The following NALF1 variants were observed in gnomAD, a reference collection of about 807,000 sequenced individuals.
NALF1 encodes the protein NALCN channel auxiliary factor 1, also known as family with sequence similarity 155 member A.
Under a neutral mutation model 48.4 loss-of-function variants are expected in NALF1, and 3 were observed. The ratio of observed to expected loss-of-function variants is 0.06; its 90% CI spans 0.03 to 0.16. The LOEUF is 0.16. Ranked by LOEUF, NALF1 falls within the 10% of genes least tolerant of loss-of-function variation. The pLI is 1.00. For synonymous variants in NALF1, 262 were observed against 245.7 expected, an observed-to-expected ratio of 1.07 and a Z score of -0.62; for missense variants, 526 against 571.5, an observed-to-expected ratio of 0.92 and a Z score of 0.81.
At chr13:107,508,173 A>T (rs1875762714) in intron 1 of NALF1, among the ~76,000 whole-genome samples, 1 of 152,074 alleles carries the variant, frequency 6.6e-6, no homozygotes, top group African/African-American at 2.4e-5. Context: ...ATGTTAGAGG[A>T]TATTGTGCTT....
chr13:107,682,948 C>T (rs756392771), intron 1 of NALF1, among the ~76,000 whole-genome samples: 13 of 152,128 alleles, frequency 8.5e-5, no homozygotes, highest in Non-Finnish European at 1.6e-4. Context: ...ATTTTAGTAA[C>T]AAATTGTTCT....
intron 1 of NALF1, among the ~76,000 whole-genome samples, chr13:107,525,040 G>C (rs1169784440): frequency 1.3e-5 from 2 of 152,052 alleles, no homozygotes; most frequent in Admixed American, 1.3e-4. Flanking sequence ...TCAACATGGG[G>C]TTTTGGCAAG....
In NALF1 at chr13:107,304,428, C is replaced by G. The variant is rs116682198; in HGVS notation, c.916-93673G>C. Among the ~76,000 whole-genome samples, 430 of 152,298 alleles carry G rather than the reference C, an allele frequency of 2.8e-3. 2 individuals are homozygous for G. The highest frequency in any genetic ancestry group is 9.5e-3 in the African/African-American group (394 of 41,570). ...TAGTAAGTGCAGCATCTCCAGCTTG[C>G]ATTTTCCTTTAAAGAACTTGGATGT... is the stretch of plus-strand genomic sequence containing the variant. On this transcript the variant is annotated intron_variant, in intron 1 of 2. Coordinates refer to ENST00000375915, the MANE Select transcript of NALF1 (RefSeq NM_001080396.3).
intron 1 of NALF1, among the ~76,000 whole-genome samples, chr13:107,787,162 T>C (rs1382371028): frequency 6.6e-6 from 1 of 152,230 alleles, no homozygotes; most frequent in East Asian, 1.9e-4. Context: ...TCATCACTAT[T>C]CATTACTGAA....
chr13:107,680,873 G>GTT (rs1566441760), intron 1 of NALF1, among the ~76,000 whole-genome samples: 1 of 147,826 alleles, frequency 6.8e-6, no homozygotes, highest in Non-Finnish European at 1.5e-5. Flanking sequence ...CAAATGTAAG[G>GTT]GTGTGTGTGT....
At chr13:107,583,235 T>C (rs1878363186) in intron 1 of NALF1, among the ~76,000 whole-genome samples, 1 of 152,006 alleles carries the variant, frequency 6.6e-6, no homozygotes, top group African/African-American at 2.4e-5. Flanking sequence ...ATATAATTTA[T>C]AAATTTTAAG....
chr13:107,363,388 G>A (rs961990896), intron 1 of NALF1, among the ~76,000 whole-genome samples: 7 of 152,148 alleles, frequency 4.6e-5, no homozygotes, highest in Non-Finnish European at 1.0e-4. Flanking sequence ...GAGCCTAGGA[G>A]TTTGAGATCA....
chr13:107,562,220 G>A (rs1877667486), intron 1 of NALF1, among the ~76,000 whole-genome samples: 1 of 152,164 alleles, frequency 6.6e-6, no homozygotes, highest in African/African-American at 2.4e-5. Flanking sequence ...TGAAATTCCT[G>A]CATGCTGGCA....
At chr13:107,834,333 T>A (rs879796444) in intron 1 of NALF1, among the ~76,000 whole-genome samples, 1 of 152,158 alleles carries the variant, frequency 6.6e-6, no homozygotes, top group African/African-American at 2.4e-5. Flanking sequence ...ACAACTGTGG[T>A]CAATTAGACC....
At chr13:107,783,871 AT>A (rs1307484707) in intron 1 of NALF1, among the ~76,000 whole-genome samples, 6 of 120,108 alleles carry the variant, frequency 5.0e-5, no homozygotes, top group East Asian at 3.8e-4. Context: ...AAAAATAAAA[AT>A]TAAAAAAAAA....
intron 1 of NALF1, among the ~76,000 whole-genome samples, chr13:107,743,960 G>A (rs1286372882): frequency 2.0e-5 from 3 of 152,200 alleles, no homozygotes; most frequent in African/African-American, 7.2e-5. Flanking sequence ...TTAGAATTGG[G>A]AAAGGGGGTT....
chr13:107,348,421 T>C (rs1343583779), intron 1 of NALF1, among the ~76,000 whole-genome samples: 1 of 152,170 alleles, frequency 6.6e-6, no homozygotes, highest in Non-Finnish European at 1.5e-5. Context: ...ATAATGAAAA[T>C]CTTAATTTTT....
intron 2 of NALF1, among the ~76,000 whole-genome samples, chr13:107,194,169 T>G (rs1879345198): frequency 6.6e-6 from 1 of 152,170 alleles, no homozygotes; most frequent in South Asian, 2.1e-4. Context: ...TTTGTTTGAT[T>G]TTTGCCACTT....
chr13:107,325,885 T>C (rs201774457), intron 1 of NALF1, among the ~76,000 whole-genome samples: 6,483 of 69,678 alleles, frequency 0.093, 311 homozygotes, highest in East Asian at 0.35. Flanking sequence ...TATATATATA[T>C]ATACACACAC....
chr13:107,849,248 T>C (rs886429844), intron 1 of NALF1, among the ~76,000 whole-genome samples: 8 of 152,230 alleles, frequency 5.3e-5, no homozygotes, highest in Non-Finnish European at 1.0e-4. Flanking sequence ...ATTTGAATTT[T>C]TGGAACTATA....
chr13:107,768,858 C>A lies in NALF1; in HGVS notation c.915+96824G>T, dbSNP rs556732856. On this transcript the variant is annotated intron_variant, in intron 1 of 2. Coordinates refer to ENST00000375915, the MANE Select transcript of NALF1 (RefSeq NM_001080396.3). The stretch of plus-strand genomic sequence containing the variant: ...AAATTTACAAGAAAAAAACAAACAA[C>A]CCCATCAAAAAGTGGGCAAAGGACA... 3.9e-3 allele frequency among the ~76,000 whole-genome samples: 595 copies of A among 152,084 alleles called. 2 individuals are homozygous for A. The highest frequency in any genetic ancestry group is 0.014 in the African/African-American group (582 of 41,492).
chr13:107,600,392 C>T lies in NALF1; in HGVS notation c.915+265290G>A, dbSNP rs115538681. ...GATTTTCATCCCACAAGGAAAGACG[C>T]CAATTGTACAGAAAGTTAATAAAAA... On this transcript the variant is annotated intron_variant, in intron 1 of 2. Transcript: ENST00000375915. 8.0e-4 allele frequency among the ~76,000 whole-genome samples: 121 copies of T among 152,192 alleles called. 1 individual carries two copies. The highest frequency in any genetic ancestry group is 2.9e-3 in the African/African-American group (119 of 41,526).
At chr13:107,421,071 C>T (rs929819993) in intron 1 of NALF1, among the ~76,000 whole-genome samples, 4 of 152,128 alleles carry the variant, frequency 2.6e-5, no homozygotes, top group African/African-American at 7.2e-5. Flanking sequence ...GCTACAGGCA[C>T]TTCAAATATG....
chr13:107,262,289 C>T (rs1160906593), intron 1 of NALF1, among the ~76,000 whole-genome samples: 2 of 152,090 alleles, frequency 1.3e-5, no homozygotes, highest in East Asian at 1.9e-4. Context: ...GTAGCATGTG[C>T]CTGTTGTCCC....
Sources: gnomAD v4.1 joint callset for allele counts (sites outside exome capture counted in the v4.1 genomes callset) on GRCh38, gnomAD v4.1.1 for gene constraint, MANE v1.5 for transcripts, NCBI Gene and HGNC (gene_info 2026-07-23, HGNC 2026-07-21) for gene names.